The following ZNF892 variants were observed in gnomAD, a reference collection of about 807,000 sequenced individuals.
The protein encoded by ZNF892 is zinc finger protein 892.
the ZNF892 span, among the ~76,000 whole-genome samples, chr2:95,231,598 G>A: frequency 6.6e-6 from 1 of 152,146 alleles, no homozygotes; most frequent in South Asian, 2.1e-4. Context: ...AAAACAAAAA[G>A]GAAGGACAGA....
At chr2:95,233,344 C>T in the ZNF892 span, among the ~76,000 whole-genome samples, 1 of 151,638 alleles carries the variant, frequency 6.6e-6, no homozygotes, top group East Asian at 2.0e-4. Context: ...GGACTACAGG[C>T]ACGTGCCACT....
At chr2:95,255,020 A>C in the ZNF892 span, among the ~76,000 whole-genome samples, 1 of 152,052 alleles carries the variant, frequency 6.6e-6, no homozygotes, top group African/African-American at 2.4e-5. Context: ...TGATCTTTTC[A>C]GAAAACCAGC....
chr2:95,218,479 T>C, the ZNF892 span, among the ~76,000 whole-genome samples: 1 of 152,306 alleles, frequency 6.6e-6, no homozygotes, highest in African/African-American at 2.4e-5. Flanking sequence ...TCTAATAACA[T>C]GTACCTCATT....
the ZNF892 span, among the ~76,000 whole-genome samples, chr2:95,239,657 T>TA: frequency 1.3e-5 from 2 of 152,054 alleles, no homozygotes; most frequent in African/African-American, 4.8e-5. Flanking sequence ...GGAGCACGTC[T>TA]AGCTCTGTCA....
chr2:95,254,989 C>G, the ZNF892 span, among the ~76,000 whole-genome samples: 1 of 152,122 alleles, frequency 6.6e-6, no homozygotes, highest in Non-Finnish European at 1.5e-5. Flanking sequence ...ATTAGTCTTG[C>G]TAGCGGTCTA....
chr2:95,234,414 A>C, the ZNF892 span, among the ~76,000 whole-genome samples: 1 of 152,332 alleles, frequency 6.6e-6, no homozygotes, highest in East Asian at 1.9e-4. Flanking sequence ...CATTTCAGAG[A>C]AGGTCCTGCC....
At chr2:95,218,663 C>T in the ZNF892 span, among the ~76,000 whole-genome samples, 1 of 152,132 alleles carries the variant, frequency 6.6e-6, no homozygotes, top group Non-Finnish European at 1.5e-5. Flanking sequence ...CTTGGTCTGC[C>T]ATAACAAAAA....
At chr2:95,253,968 AG>A in the ZNF892 span, among the ~76,000 whole-genome samples, 2 of 152,232 alleles carry the variant, frequency 1.3e-5, no homozygotes. Context: ...TATCAGCTTA[AG>A]GAGATTTTGG....
At chr2:95,237,141 C>G in the ZNF892 span, among the ~76,000 whole-genome samples, 1 of 133,564 alleles carries the variant, frequency 7.5e-6, no homozygotes, top group Non-Finnish European at 1.6e-5. Context: ...GATCAGTGAG[C>G]TTTTTTTTTT....
At chr2:95,246,635 T>G in the ZNF892 span, among the ~76,000 whole-genome samples, 1 of 152,220 alleles carries the variant, frequency 6.6e-6, no homozygotes, top group East Asian at 1.9e-4. Flanking sequence ...AAAAGTTTCT[T>G]AAGCTGATAA....
the ZNF892 span, among the ~76,000 whole-genome samples, chr2:95,211,070 A>G: frequency 1.3e-5 from 2 of 151,910 alleles, no homozygotes; most frequent in Admixed American, 6.6e-5. Flanking sequence ...TGACAAGAAC[A>G]CTCTGGGAAC....
the ZNF892 span, among the ~76,000 whole-genome samples, chr2:95,254,065 C>G: frequency 2.0e-4 from 30 of 152,224 alleles, no homozygotes; most frequent in South Asian, 2.9e-3. Flanking sequence ...AATTGAATAC[C>G]CTTTATTTCT....
the ZNF892 span, among the ~76,000 whole-genome samples, chr2:95,232,307 C>A: frequency 2.0e-5 from 3 of 152,318 alleles, no homozygotes; most frequent in East Asian, 3.9e-4. Context: ...TACATGATAT[C>A]ATTTCTGGTC....
the ZNF892 span, among the ~76,000 whole-genome samples, chr2:95,233,897 C>G: frequency 6.6e-6 from 1 of 151,800 alleles, no homozygotes; most frequent in Non-Finnish European, 1.5e-5. Flanking sequence ...GCAGGCTAGT[C>G]TGGAACTCCT....
the ZNF892 span, among the ~76,000 whole-genome samples, chr2:95,240,934 G>A: frequency 6.6e-6 from 1 of 152,326 alleles, no homozygotes; most frequent in South Asian, 2.1e-4. Flanking sequence ...CCTCCTCACT[G>A]GGTGGGACCT....
At chr2:95,230,921 C>G in the ZNF892 span, among the ~76,000 whole-genome samples, 1 of 152,170 alleles carries the variant, frequency 6.6e-6, no homozygotes, top group Non-Finnish European at 1.5e-5. Flanking sequence ...CTTCTTAGCA[C>G]TTATGTTGCT....
the ZNF892 span, among the ~76,000 whole-genome samples, chr2:95,217,806 CTCCT>C: frequency 1.3e-5 from 2 of 152,208 alleles, no homozygotes; most frequent in African/African-American, 2.4e-5. Context: ...GGTAGCCCCT[CTCCT>C]AAGCCTCTGC....
chr2:95,251,854 G>A, the ZNF892 span, among the ~76,000 whole-genome samples: 1 of 152,216 alleles, frequency 6.6e-6, no homozygotes, highest in East Asian at 1.9e-4. Context: ...TCAGAGACAA[G>A]AAAACGAAGA....
chr2:95,239,859 A>T, the ZNF892 span, among the ~76,000 whole-genome samples: 2 of 152,140 alleles, frequency 1.3e-5, no homozygotes, highest in African/African-American at 4.8e-5. Flanking sequence ...TGAACTCCTG[A>T]CCTCAGGTGA....
Sources: gnomAD v4.1 joint callset for allele counts (sites outside exome capture counted in the v4.1 genomes callset) on GRCh38, gnomAD v4.1.1 for gene constraint, MANE v1.5 for transcripts, NCBI Gene and HGNC (gene_info 2026-07-23, HGNC 2026-07-21) for gene names.